GRIN3A: variants seen among roughly 807,000 people sequenced by gnomAD.
GRIN3A encodes the protein glutamate receptor ionotropic, NMDA 3A.
A neutral mutation model predicts 92.4 loss-of-function variants in GRIN3A; 47 were observed. The ratio of observed to expected loss-of-function variants is 0.51; its 90% CI spans 0.40 to 0.65. The LOEUF (loss-of-function observed/expected upper bound fraction) is 0.65, where lower values mean the gene tolerates loss of function less well. GRIN3A is among the 30% of genes least tolerant of loss of function. GRIN3A has a pLI of 0.00. For missense variants in GRIN3A, 1,324 were observed against 1,393.1 expected (o/e 0.95, Z 0.79); for synonymous variants, 527 against 540.6 (o/e 0.97, Z 0.35).
chr9:101,626,665 G>T (rs957467252), intron 4 of GRIN3A, among the ~76,000 whole-genome samples: 2 of 152,218 alleles, frequency 1.3e-5, no homozygotes, highest in Admixed American at 6.5e-5. Context: ...TGAGGCTGGA[G>T]TTGCTGCATT....
chr9:101,608,420 T>C (rs1010538531), intron 6 of GRIN3A, among the ~76,000 whole-genome samples: 1 of 152,208 alleles, frequency 6.6e-6, no homozygotes, highest in Non-Finnish European at 1.5e-5. Flanking sequence ...TGTTAAAAAC[T>C]GCAATGGAAA....
At position 101,667,268 on chromosome 9, in the gene GRIN3A, A is replaced by C. The variant is rs538709566; in HGVS notation, c.2352+2792T>G. Among the ~76,000 whole-genome samples the C allele has an allele frequency of 2.9e-4, 44 of 152,036 alleles. No homozygotes were observed. The South Asian group carries it at 8.9e-3, about 31-fold the overall frequency. On this transcript the variant is annotated intron_variant, in intron 3 of 8. Coordinates refer to ENST00000361820, the MANE Select transcript of GRIN3A (RefSeq NM_133445.3). ...TTATATTACAAAATAGGTATACTTT[A>C]TAGGTAATATAAAGTATTACCTCCA...
At chr9:101,694,755 A>G (rs755571703) in intron 1 of GRIN3A, among the ~76,000 whole-genome samples, 20 of 152,308 alleles carry the variant, frequency 1.3e-4, no homozygotes, top group Non-Finnish European at 2.1e-4. Context: ...TACAGAAGAT[A>G]TTTAGTCATA....
intron 6 of GRIN3A, among the ~76,000 whole-genome samples, chr9:101,606,132 T>C (rs1828277930): frequency 6.6e-6 from 1 of 152,180 alleles, no homozygotes; most frequent in Non-Finnish European, 1.5e-5. Flanking sequence ...TGGACCCCTG[T>C]CTGGAAGTGC....
chr9:101,658,223 G>A (rs1039964883), intron 3 of GRIN3A, among the ~76,000 whole-genome samples: 7 of 152,000 alleles, frequency 4.6e-5, no homozygotes, highest in African/African-American at 1.7e-4. Flanking sequence ...ATGCAGTAAA[G>A]TTTAAGTGAG....
chr9:101,599,472 G>A (rs376832105), intron 6 of GRIN3A, among the ~76,000 whole-genome samples: 1 of 152,072 alleles, frequency 6.6e-6, no homozygotes, highest in African/African-American at 2.4e-5. Flanking sequence ...CCATTGTTTT[G>A]ATTTTCTCTG....
chr9:101,597,429 C>T (rs1564122635), intron 6 of GRIN3A, among the ~76,000 whole-genome samples: 1 of 152,144 alleles, frequency 6.6e-6, no homozygotes, highest in East Asian at 1.9e-4. Context: ...TAGACAGGTC[C>T]ATTAGTGCTG....
intron 3 of GRIN3A, among the ~76,000 whole-genome samples, chr9:101,656,945 C>T (rs1829096112): frequency 6.6e-6 from 1 of 151,816 alleles, no homozygotes; most frequent in African/African-American, 2.4e-5. Flanking sequence ...TGTGTCTTCT[C>T]CCTGAAATTC....
Position 101,737,875 on chromosome 9 carries a change from C to T in GRIN3A, c.105G>A (p.Pro35=). The part of the protein sequence containing the change: ...LAGVPSSSSH[P]QPCQILKRIG... Reference sequence around the variant, plus strand: ...TGCGCTTGAGGATCTGGCAGGGCTGCGGGTGCGAGGAGGAGCTGGGCACCC... The same window carrying T: ...TGCGCTTGAGGATCTGGCAGGGCTGTGGGTGCGAGGAGGAGCTGGGCACCC... Residue 35 remains proline (P), a synonymous_variant, in exon 1 of 9, where the codon CCG becomes CCA. Coordinates refer to ENST00000361820, the MANE Select transcript of GRIN3A (RefSeq NM_133445.3). 4 of 1,534,124 alleles carry T rather than the reference C, an allele frequency of 2.6e-6. No homozygotes were observed. Among genetic ancestry groups the T allele is most frequent in the East Asian group, 4.9e-5 (2 of 40,874 alleles).
At chr9:101,692,898 G>C (rs1338465490) in intron 1 of GRIN3A, among the ~76,000 whole-genome samples, 1 of 152,074 alleles carries the variant, frequency 6.6e-6, no homozygotes, top group Non-Finnish European at 1.5e-5. Context: ...CAAGCATAAG[G>C]TGTAGTCCCT....
chr9:101,687,473 TGAG>T (rs1205513931), intron 1 of GRIN3A, among the ~76,000 whole-genome samples: 2 of 152,174 alleles, frequency 1.3e-5, no homozygotes, highest in Admixed American at 6.5e-5. Flanking sequence ...TACATTTGGT[TGAG>T]GAGTTTTGTC....
chr9:101,587,036 G>A (rs1407070487), intron 6 of GRIN3A, among the ~76,000 whole-genome samples: 2 of 152,154 alleles, frequency 1.3e-5, no homozygotes, highest in South Asian at 4.1e-4. Flanking sequence ...GCAGCCGGGC[G>A]CAGTGGCTCA....
At chr9:101,574,426 G>A (rs1458543605) in intron 8 of GRIN3A, among the ~76,000 whole-genome samples, 2 of 152,138 alleles carry the variant, frequency 1.3e-5, no homozygotes, top group African/African-American at 4.8e-5. Flanking sequence ...GGAGGGTTAT[G>A]ACAACTTTTG....
Position 101,594,288 on chromosome 9 carries a change from T to G in GRIN3A, c.2767-14928A>C, listed in dbSNP as rs1051458232. 4.7e-6 allele frequency: 6 copies of G among 1,288,014 alleles called. No homozygotes were observed. The Admixed American group carries it at 1.5e-4, about 33-fold the overall frequency. The allele number at this position is 1,288,014 out of a possible 1,614,324, so 79.8% of individuals were successfully genotyped here. A position where few individuals can be genotyped will look rare whatever the true frequency, so the allele number is the denominator to read the frequency against. ...GTGATGAAGCTCCTGTTAGGACATATGGCTTCACAAAAAGAAATACTTCCA... is the reference window on the plus strand; with the variant it reads ...GTGATGAAGCTCCTGTTAGGACATAGGGCTTCACAAAAAGAAATACTTCCA... On this transcript the variant is annotated intron_variant, in intron 6 of 8. Transcript: ENST00000361820.
Position 101,573,140 on chromosome 9 carries a change from G to A in GRIN3A, c.*34C>T. On this transcript the variant is annotated 3_prime_UTR_variant, in exon 9 of 9. Coordinates refer to ENST00000361820, the MANE Select transcript of GRIN3A (RefSeq NM_133445.3). ...AAGTGTCTCAAGGGCTCAGAGGAAG[G>A]TCAGGAACTGAGAAAGGGAAGCAGT... 1 of 1,551,732 alleles carries A rather than the reference G, an allele frequency of 6.4e-7. No individual in the cohort carries two copies. Among genetic ancestry groups the A allele is most frequent in the South Asian group, 1.1e-5 (1 of 89,882 alleles).
chr9:101,590,341 A>G (rs1394628941), intron 6 of GRIN3A, among the ~76,000 whole-genome samples: 4 of 148,350 alleles, frequency 2.7e-5, no homozygotes, highest in African/African-American at 9.9e-5. Context: ...TACCATAATG[A>G]CACTCTATTT....
chr9:101,701,322 C>T (rs185677299), intron 1 of GRIN3A, among the ~76,000 whole-genome samples: 23 of 152,194 alleles, frequency 1.5e-4, no homozygotes, highest in East Asian at 9.7e-4. Context: ...TCATCACCGA[C>T]GTATTAAGTC....
At chr9:101,583,035 A>T (rs1827908597) in intron 6 of GRIN3A, among the ~76,000 whole-genome samples, 1 of 152,362 alleles carries the variant, frequency 6.6e-6, no homozygotes, top group East Asian at 1.9e-4. Context: ...TATGCCAGAT[A>T]CAATATACCT....
intron 3 of GRIN3A, among the ~76,000 whole-genome samples, chr9:101,643,556 T>C (rs1828894580): frequency 6.6e-6 from 1 of 152,022 alleles, no homozygotes; most frequent in Admixed American, 6.6e-5. Flanking sequence ...TGGGTATATA[T>C]TCAAAGGAAC....
Sources: allele counts gnomAD v4.1 joint callset (sites outside exome capture counted in the v4.1 genomes callset), GRCh38; gene constraint gnomAD v4.1.1; transcripts MANE v1.5; gene names NCBI Gene and HGNC (gene_info 2026-07-23, HGNC 2026-07-21).